Variants in TRPM3 observed in about 807,000 individuals in gnomAD.
TRPM3 encodes the protein transient receptor potential cation channel subfamily M member 3.
A neutral mutation model predicts 181.2 loss-of-function variants in TRPM3; 77 were observed. That is an observed-to-expected ratio of 0.42 (90% CI 0.35 to 0.51). The LOEUF is 0.51. Ranked by LOEUF, TRPM3 falls within the 20% of genes least tolerant of loss-of-function variation. TRPM3 has a pLI of 0.01. For missense variants in TRPM3, 1,759 were observed against 2,196.7 expected, an observed-to-expected ratio of 0.80 and a Z score of 3.98; for synonymous variants, 745 against 796.4, an observed-to-expected ratio of 0.94 and a Z score of 1.09.
At chr9:71,194,262 G>A (rs549587077) in intron 1 of TRPM3, among the ~76,000 whole-genome samples, 1 of 151,974 alleles carries the variant, frequency 6.6e-6, no homozygotes, top group Admixed American at 6.6e-5. Flanking sequence ...TTCATACGTG[G>A]GAGGAAGAGT....
intron 8 of TRPM3, among the ~76,000 whole-genome samples, chr9:70,691,950 C>G (rs1338664155): frequency 6.6e-6 from 1 of 152,124 alleles, no homozygotes; most frequent in South Asian, 2.1e-4. Flanking sequence ...CCCTCTTTTC[C>G]TCTTATCACT....
chr9:71,366,988 T>C (rs986974369), intron 1 of TRPM3, among the ~76,000 whole-genome samples: 1 of 152,210 alleles, frequency 6.6e-6, no homozygotes, highest in Non-Finnish European at 1.5e-5. Context: ...GATAGAGGCA[T>C]TAACTTGTAT....
intron 1 of TRPM3, among the ~76,000 whole-genome samples, chr9:71,065,138 T>C (rs2061760614): frequency 6.6e-6 from 1 of 152,102 alleles, no homozygotes; most frequent in African/African-American, 2.4e-5. Context: ...CTTGTCCAAA[T>C]CTCTGTACAA....
intron 1 of TRPM3, among the ~76,000 whole-genome samples, chr9:71,200,525 AC>A (rs1427138495): frequency 2.6e-5 from 4 of 151,908 alleles, no homozygotes; most frequent in Non-Finnish European, 4.4e-5. Flanking sequence ...TTCGTAGGTC[AC>A]TCAGGACTTG....
intron 8 of TRPM3, among the ~76,000 whole-genome samples, chr9:70,738,395 TAATAATAA>T (rs1025699842): frequency 1.1e-4 from 16 of 151,890 alleles, no homozygotes; most frequent in Non-Finnish European, 2.1e-4. Context: ...ACTTAAAGTA[TAATAATAA>T]AAAAAAATCA....
intron 6 of TRPM3, among the ~76,000 whole-genome samples, chr9:70,792,464 G>T (rs1163376571): frequency 5.9e-5 from 9 of 151,340 alleles, no homozygotes; most frequent in African/African-American, 2.2e-4. Flanking sequence ...AGAGAGAGAG[G>T]GGAGAGAAAA....
chr9:70,927,961 T>A (rs72729791), intron 1 of TRPM3, among the ~76,000 whole-genome samples: 3,463 of 152,328 alleles, frequency 0.023, 98 homozygotes, highest in East Asian at 0.12. Flanking sequence ...ACATGTCTTA[T>A]TTCCAAGACA....
At chr9:70,637,424 T>C (rs1438912299) in intron 11 of TRPM3, among the ~76,000 whole-genome samples, 1 of 152,202 alleles carries the variant, frequency 6.6e-6, no homozygotes, top group Non-Finnish European at 1.5e-5. Context: ...TCAAACTTAC[T>C]GGCCTTCCTC....
At chr9:70,925,816 C>T (rs2096715816) in intron 1 of TRPM3, among the ~76,000 whole-genome samples, 1 of 151,962 alleles carries the variant, frequency 6.6e-6, no homozygotes, top group Non-Finnish European at 1.5e-5. Context: ...GTAGTTCCCT[C>T]AAACACAATT....
chr9:70,532,093 G>A lies in TRPM3; in HGVS notation c.*3860C>T, dbSNP rs1383326850. ...ATGGGTTACATACATGTTTACATGTGTTTTATAATACAGCATTGCCCAACA... is the reference window on the plus strand; with the variant it reads ...ATGGGTTACATACATGTTTACATGTATTTTATAATACAGCATTGCCCAACA... On this transcript the variant is annotated 3_prime_UTR_variant, in exon 26 of 26. Transcript: ENST00000677713. 6.6e-6 allele frequency: 1 copy of A among 152,134 alleles called. No homozygotes were observed. The highest frequency in any genetic ancestry group is 1.5e-5 in the Non-Finnish European group (1 of 68,040). The allele number at this position is 152,134 out of a possible 1,614,324, so 9.4% of individuals were successfully genotyped here. A position where few individuals can be genotyped will look rare whatever the true frequency, so the allele number is the denominator to read the frequency against.
intron 1 of TRPM3, among the ~76,000 whole-genome samples, chr9:70,987,936 C>T (rs987690092): frequency 2.0e-5 from 3 of 151,926 alleles, no homozygotes; most frequent in African/African-American, 7.3e-5. Flanking sequence ...TTCCCAAATG[C>T]CAGACCTTGG....
chr9:70,884,046 T>C (rs1277691013), intron 1 of TRPM3, among the ~76,000 whole-genome samples: 1 of 152,176 alleles, frequency 6.6e-6, no homozygotes, highest in African/African-American at 2.4e-5. Flanking sequence ...CAAGGTTTTT[T>C]TTTTTGATGT....
intron 21 of TRPM3, among the ~76,000 whole-genome samples, chr9:70,594,136 G>C (rs911306980): frequency 4.1e-5 from 6 of 148,002 alleles, no homozygotes; most frequent in Non-Finnish European, 7.5e-5. Flanking sequence ...AAGAAAGAAA[G>C]AAAGAAAAAG....
In TRPM3 at chr9:70,896,864, C is replaced by T. The variant is rs577795420; in HGVS notation, c.178-32353G>A. ...TATTAAAATGAATTCCTCTAGTTTACAATCATTTTCTACAAGTCAGAGCAG... is the reference window on the plus strand; with the variant it reads ...TATTAAAATGAATTCCTCTAGTTTATAATCATTTTCTACAAGTCAGAGCAG... On this transcript the variant is annotated intron_variant, in intron 1 of 25. Coordinates refer to ENST00000677713, the MANE Select transcript of TRPM3 (RefSeq NM_001366145.2). Among the ~76,000 whole-genome samples the T allele has an allele frequency of 4.1e-3, 593 of 144,120 alleles. 5 individuals carry two copies. Among genetic ancestry groups the T allele is most frequent in the Non-Finnish European group, 5.3e-3 (352 of 66,148 alleles). The allele number at this position is 144,120 out of a possible 152,430, so 94.5% of individuals were successfully genotyped here.
chr9:70,925,567 C>T (rs1240417159), intron 1 of TRPM3, among the ~76,000 whole-genome samples: 1 of 151,946 alleles, frequency 6.6e-6, no homozygotes, highest in African/African-American at 2.4e-5. Context: ...TGTCTATTCA[C>T]AGAATATGGA....
intron 1 of TRPM3, among the ~76,000 whole-genome samples, chr9:71,270,088 C>G (rs2083677748): frequency 6.6e-6 from 1 of 152,178 alleles, no homozygotes; most frequent in Admixed American, 6.5e-5. Flanking sequence ...GTTAATGTCA[C>G]TCCTCTGCTT....
intron 1 of TRPM3, among the ~76,000 whole-genome samples, chr9:71,396,920 C>G (rs564986371): frequency 6.6e-6 from 1 of 150,458 alleles, no homozygotes; most frequent in East Asian, 1.9e-4. Flanking sequence ...GAGCCTAGAT[C>G]GCGCCACTGC....
intron 1 of TRPM3, among the ~76,000 whole-genome samples, chr9:71,212,851 C>CTATGTATGTATG (rs3041656): frequency 4.6e-5 from 7 of 150,972 alleles, no homozygotes; most frequent in East Asian, 3.9e-4. Flanking sequence ...GCCAGCTTTA[C>CTATGTATGTATG]TATGTATGTA....
At chr9:70,598,361 T>G (rs2059362317) in intron 21 of TRPM3, 58 bp downstream of exon 21, 1 of 1,585,226 alleles carries the variant, frequency 6.3e-7, no homozygotes, top group African/African-American at 1.3e-5. Context: ...TCCCTCTATC[T>G]ATTATCACCA....
Sources: allele counts gnomAD v4.1 joint callset (sites outside exome capture counted in the v4.1 genomes callset), GRCh38; gene constraint gnomAD v4.1.1; transcripts MANE v1.5; gene names NCBI Gene and HGNC (gene_info 2026-07-23, HGNC 2026-07-21).